The following TMEM169 variants were observed in gnomAD, a reference collection of about 807,000 sequenced individuals.
TMEM169 encodes transmembrane protein 169.
In TMEM169, 18 loss-of-function variants were observed where a neutral mutation model predicts 27.3. The ratio of observed to expected loss-of-function variants is 0.66; its 90% CI spans 0.46 to 0.98. The LOEUF (loss-of-function observed/expected upper bound fraction) is 0.98, where lower values mean the gene tolerates loss of function less well. TMEM169 is among the 50% of genes least tolerant of loss of function. TMEM169 has a pLI of 0.00. For synonymous variants in TMEM169, 136 were observed against 142.1 expected, an observed-to-expected ratio of 0.96 and a Z score of 0.30; for missense variants, 320 against 368.6, an observed-to-expected ratio of 0.87 and a Z score of 1.08.
At chr2:216,093,809 A>G (rs541678430) in intron 1 of TMEM169, among the ~76,000 whole-genome samples, 1 of 152,264 alleles carries the variant, frequency 6.6e-6, no homozygotes, top group South Asian at 2.1e-4. Flanking sequence ...GAGAAAAAAA[A>G]ATATGTATTC....
At position 216,102,281 on chromosome 2, in the gene TMEM169, G is replaced by C. The variant is rs1020177737; in HGVS notation, c.*1739G>C. The C allele has an allele frequency of 6.6e-6, 1 of 152,058 alleles. No homozygotes were observed. The highest frequency in any genetic ancestry group is 1.5e-5 in the Non-Finnish European group (1 of 68,024). The allele number at this position is 152,058 out of a possible 1,614,324, so 9.4% of individuals were successfully genotyped here. On this transcript the variant is annotated 3_prime_UTR_variant, in exon 3 of 3. Transcript: ENST00000437356. ...TCAGACCTTTCTGAGTTTAACCACA[G>C]ACATGATCTTTGCTGTGCTGAGAAA...
At chr2:216,086,793 T>C (rs890374111) in intron 1 of TMEM169, among the ~76,000 whole-genome samples, 1 of 152,186 alleles carries the variant, frequency 6.6e-6, no homozygotes, top group Admixed American at 6.5e-5. Flanking sequence ...CCTAGAAAGA[T>C]GAATGAAAAC....
intron 1 of TMEM169, among the ~76,000 whole-genome samples, chr2:216,093,735 G>A (rs1559227360): frequency 1.3e-5 from 2 of 152,072 alleles, no homozygotes; most frequent in African/African-American, 2.4e-5. Flanking sequence ...TCCCCTGCCT[G>A]GAGGGGGAGA....
chr2:216,099,945 C>A lies in TMEM169; in HGVS notation c.297C>A (p.Ser99Arg), dbSNP rs78272258. 2,902 of 1,613,564 alleles carry A rather than the reference C, an allele frequency of 1.8e-3. 56 individuals are homozygous for A. In the African/African-American group the frequency reaches 0.035, roughly 19 times the overall value. The change falls in exon 3 of 3, where the codon AGC (serine) becomes AGA (arginine). Residue 99 changes from serine (S) to arginine (R), a missense_variant. Physicochemically the swap from Ser to Arg is moderately radical, Grantham distance 110. Transcript: ENST00000437356. This position sits in a 1 kb window ranked among gnomAD's most constrained non-coding sequence, Gnocchi z 5.0. Reference sequence around the variant, plus strand: ...ATATGTGGAACCTGCCTCTGGACAGCCGCTACGTCACCTTAACTGGGACCA... The same window carrying A: ...ATATGTGGAACCTGCCTCTGGACAGACGCTACGTCACCTTAACTGGGACCA... ...DDDMWNLPLD[S>R]RYVTLTGTIT...
chr2:216,085,425 G>A (rs1695972931), intron 1 of TMEM169, among the ~76,000 whole-genome samples: 1 of 152,094 alleles, frequency 6.6e-6, no homozygotes, highest in South Asian at 2.1e-4. Flanking sequence ...AGTAAAAGAT[G>A]TTGCTTACTG....
At chr2:216,086,126 G>A (rs1344004872) in intron 1 of TMEM169, among the ~76,000 whole-genome samples, 1 of 151,790 alleles carries the variant, frequency 6.6e-6, no homozygotes, top group African/African-American at 2.4e-5. Context: ...GTGCGGTGGT[G>A]TGATCTTGGC....
rs1348846438 is a variant in TMEM169 at position 216,100,010 on chromosome 2, A to T, written c.362A>T (p.His121Leu). ...AAAAAGGGTCAGATGGTGGACATCC[A>T]TGTCACATTGACAGAGAAAGAGCTG... ...GKKKGQMVDI[H>L]VTLTEKELQE... The change falls in exon 3 of 3, where the codon CAT becomes CTT. Residue 121 changes from histidine to leucine, a missense_variant. By Grantham distance (99) the His-to-Leu change is moderately conservative. Coordinates refer to ENST00000437356, the MANE Select transcript of TMEM169 (RefSeq NM_001142311.2). 1.9e-6 allele frequency: 3 copies of T among 1,614,190 alleles called. No homozygotes were observed. Among genetic ancestry groups the T allele is most frequent in the Admixed American group, 3.3e-5 (2 of 60,016 alleles).
In TMEM169 at chr2:216,096,229, A is replaced by G; in HGVS notation, c.266A>G (p.Asp89Gly). 1 of 1,613,194 alleles carries G rather than the reference A, an allele frequency of 6.2e-7. No homozygotes were observed. Among genetic ancestry groups the G allele is most frequent in the Non-Finnish European group, 8.5e-7 (1 of 1,179,400 alleles). ...EGDDFLDYPV[D>G]DDMWNLPLDS... ...GATGATTTCCTAGACTATCCTGTGG[A>G]TGATGGTAAGTCTCTCTAGCCCACT... Residue 89 changes from aspartate (D) to glycine (G), a missense_variant, in exon 2 of 3, where the codon GAT becomes GGT. Asp to Gly is a moderately conservative substitution (Grantham distance 94). Coordinates refer to ENST00000437356, the MANE Select transcript of TMEM169 (RefSeq NM_001142311.2).
chr2:216,100,945 A>G lies in TMEM169; in HGVS notation c.*403A>G, dbSNP rs1317414032. On this transcript the variant is annotated 3_prime_UTR_variant, in exon 3 of 3. Transcript: ENST00000437356. ...ATAATAGACAGGGATGGAGTGAGAC[A>G]TTTAGGAAGCTGGACTACCACAGTG... The G allele has an allele frequency of 3.9e-6, 1 of 258,912 alleles. No individual in the cohort carries two copies. Among genetic ancestry groups the G allele is most frequent in the African/African-American group, 2.3e-5 (1 of 43,490 alleles). The allele number at this position is 258,912 out of a possible 1,614,324, so 16.0% of individuals were successfully genotyped here. A position where few individuals can be genotyped will look rare whatever the true frequency, so the allele number is the denominator to read the frequency against.
In TMEM169 at chr2:216,101,152, T is replaced by G. The variant is rs1696386918; in HGVS notation, c.*610T>G. 6.2e-6 allele frequency: 1 copy of G among 160,936 alleles called. No individual in the cohort carries two copies. The highest frequency in any genetic ancestry group is 2.4e-5 in the African/African-American group (1 of 41,460). 10.0% of individuals were successfully genotyped at this position (160,936 alleles called of 1,614,324 possible). A position where few individuals can be genotyped will look rare whatever the true frequency, so the allele number is the denominator to read the frequency against. Reference sequence around the variant, plus strand: ...AATCCAGGTCCCAGGCTTCTTCTATTTCTCTACCATTAGTAGGATGTGACC... The same window carrying G: ...AATCCAGGTCCCAGGCTTCTTCTATGTCTCTACCATTAGTAGGATGTGACC... On this transcript the variant is annotated 3_prime_UTR_variant, in exon 3 of 3. Transcript: ENST00000437356.
At chr2:216,097,854 T>C (rs1007944578) in intron 2 of TMEM169, among the ~76,000 whole-genome samples, 6 of 152,016 alleles carry the variant, frequency 3.9e-5, no homozygotes, top group Non-Finnish European at 7.4e-5. Context: ...AGAGACTGCA[T>C]GGTTGTGAAA....
At position 216,098,059 on chromosome 2, in the gene TMEM169, AGAG is replaced by A. The variant is rs907197948; in HGVS notation, c.271+1831_271+1833del. Among the ~76,000 whole-genome samples, 3 of 151,658 alleles carry A rather than the reference AGAG, an allele frequency of 2.0e-5. No individual in the cohort carries two copies. The East Asian group carries it at 5.8e-4, about 30-fold the overall frequency. ...GTAGGAGATAAGAGGGAGGATGGTG[AGAG>A]GAGGACAGGAAGGTAGGCAGAGGCT... On this transcript the variant is annotated intron_variant, in intron 2 of 2. Coordinates refer to ENST00000437356, the MANE Select transcript of TMEM169 (RefSeq NM_001142311.2).
At position 216,100,126 on chromosome 2, in the gene TMEM169, G is replaced by T. The variant is rs750816269; in HGVS notation, c.478G>T (p.Val160Leu). ...GATGGGAGCTGACCGTGGGCCCCAT[G>T]TGGTCCTCTGGACGCTGATCTGCCT... ...CQMGADRGPH[V>L]VLWTLICLPV... is the part of the protein sequence containing the mutation. Residue 160 changes from valine to leucine, a missense_variant, in exon 3 of 3, where the codon GTG becomes TTG. Physicochemically the swap from Val to Leu is conservative, Grantham distance 32. Transcript: ENST00000437356. 6.2e-7 allele frequency: 1 copy of T among 1,614,180 alleles called. No homozygotes were observed. The highest frequency in any genetic ancestry group is 1.1e-5 in the South Asian group (1 of 91,084).
At chr2:216,083,842 C>G (rs1695932141) in intron 1 of TMEM169, among the ~76,000 whole-genome samples, 1 of 152,202 alleles carries the variant, frequency 6.6e-6, no homozygotes, top group African/African-American at 2.4e-5. Context: ...CCTCTGACCT[C>G]TGTCAGGGTT....
intron 1 of TMEM169, among the ~76,000 whole-genome samples, chr2:216,089,607 C>T (rs573188253): frequency 2.6e-5 from 4 of 152,310 alleles, no homozygotes; most frequent in South Asian, 2.1e-4. Flanking sequence ...CAGGCGTGCA[C>T]AACCACGCCA....
In TMEM169 at chr2:216,081,920, G is replaced by C. The variant is rs978497434; in HGVS notation, c.-186G>C. 61 of 660,452 alleles carry C rather than the reference G, an allele frequency of 9.2e-5. 1 individual carries two copies. Among genetic ancestry groups the C allele is most frequent in the Non-Finnish European group, 7.4e-6 (3 of 403,924 alleles). 40.9% of individuals were successfully genotyped at this position (660,452 alleles called of 1,614,324 possible). On this transcript the variant is annotated 5_prime_UTR_variant, in exon 1 of 3. Coordinates refer to ENST00000437356, the MANE Select transcript of TMEM169 (RefSeq NM_001142311.2). ...GGCAAAGCCGCATCCTCCCGGAGCA[G>C]AACCGCTCCCCGCCGGCTGTCCGCA... is the stretch of plus-strand genomic sequence containing the variant.
chr2:216,091,554 C>A (rs543654769), intron 1 of TMEM169, among the ~76,000 whole-genome samples: 545 of 53,098 alleles, frequency 0.01, 6 homozygotes, highest in African/African-American at 0.051. Context: ...GAGACTCCAT[C>A]TCAAAAAAAA....
Position 216,100,811 on chromosome 2 carries a change from G to A in TMEM169, c.*269G>A. On this transcript the variant is annotated 3_prime_UTR_variant, in exon 3 of 3. Transcript: ENST00000437356. The stretch of plus-strand genomic sequence containing the variant: ...ATTTAGGACAATGGAACTCTGCTGT[G>A]TGTCGTTTTGGGAGCCTGGAAGTGT... 2.1e-6 allele frequency: 1 copy of A among 473,828 alleles called. No individual in the cohort carries two copies. 29.4% of individuals were successfully genotyped at this position (473,828 alleles called of 1,614,324 possible).
At chr2:216,096,365 C>T in intron 2 of TMEM169, 131 bp downstream of exon 2, 1 of 1,108,124 alleles carries the variant, frequency 9.0e-7, no homozygotes, top group South Asian at 1.7e-5. Flanking sequence ...ATATTACCAC[C>T]TTTTATTTAT....
Sources: gnomAD v4.1 joint callset for allele counts (sites outside exome capture counted in the v4.1 genomes callset) on GRCh38, gnomAD v4.1.1 for gene constraint, Gnocchi (gnomAD v3.1) non-coding constraint, MANE v1.5 for transcripts, NCBI Gene and HGNC (gene_info 2026-07-23, HGNC 2026-07-21) for gene names.